Variants in ANKRD55 observed in about 807,000 individuals in gnomAD.
ANKRD55 encodes ankyrin repeat domain 55.
In ANKRD55, 41 loss-of-function variants were observed where a neutral mutation model predicts 60.6. That is an observed-to-expected ratio of 0.68 (90% confidence interval 0.53 to 0.88). ANKRD55 has a LOEUF of 0.88. Among genes scored for constraint, ANKRD55 ranks in the 40% least tolerant of loss-of-function variants. The pLI is 0.00. For missense variants in ANKRD55, 732 were observed against 767.6 expected (o/e 0.95, Z 0.55); for synonymous variants, 264 against 290.3 (o/e 0.91, Z 0.92).
chr5:56,142,157 A>G (rs1331764253), intron 7 of ANKRD55, among the ~76,000 whole-genome samples: 5 of 152,058 alleles, frequency 3.3e-5, no homozygotes, highest in Non-Finnish European at 7.4e-5. Flanking sequence ...GTGAAAACCC[A>G]TCTCTACTAA....
chr5:56,138,134 T>C (rs1174248375), intron 7 of ANKRD55, among the ~76,000 whole-genome samples: 8 of 149,714 alleles, frequency 5.3e-5, no homozygotes, highest in Non-Finnish European at 1.2e-4. Flanking sequence ...TTTCTTTTTT[T>C]TTTTTTTTTT....
chr5:56,127,589 C>T (rs748349255), intron 7 of ANKRD55: 58 of 984,820 alleles, frequency 5.9e-5, no homozygotes, highest in East Asian at 1.1e-4. Context: ...AAGCTTGTTT[C>T]GGGGTAGGGC....
At chr5:56,212,361 G>A (rs1373559882) in intron 2 of ANKRD55, among the ~76,000 whole-genome samples, 1 of 152,090 alleles carries the variant, frequency 6.6e-6, no homozygotes, top group South Asian at 2.1e-4. Context: ...GATAAAAAGT[G>A]CTTATCTATT....
intron 2 of ANKRD55, among the ~76,000 whole-genome samples, chr5:56,219,845 C>T (rs938795507): frequency 1.3e-5 from 2 of 152,210 alleles, no homozygotes; most frequent in African/African-American, 4.8e-5. Flanking sequence ...CAGCTACAAG[C>T]TTATTGTAGT....
chr5:56,200,703 T>C (rs1353526762), intron 2 of ANKRD55, among the ~76,000 whole-genome samples: 1 of 152,240 alleles, frequency 6.6e-6, no homozygotes, highest in Non-Finnish European at 1.5e-5. Context: ...ACATTTGTTC[T>C]GCCTAAGCTG....
At chr5:56,179,270 T>C (rs1231249964) in intron 3 of ANKRD55, among the ~76,000 whole-genome samples, 1 of 152,150 alleles carries the variant, frequency 6.6e-6, no homozygotes, top group African/African-American at 2.4e-5. Context: ...AGAAAGCCAA[T>C]TGCAAAGATA....
intron 2 of ANKRD55, among the ~76,000 whole-genome samples, chr5:56,189,135 G>A (rs1409521539): frequency 6.6e-6 from 1 of 152,018 alleles, no homozygotes; most frequent in East Asian, 1.9e-4. Flanking sequence ...CTACTCTGAA[G>A]ATTATTCCAG....
chr5:56,100,205 T>A lies in ANKRD55; in HGVS notation c.1823A>T (p.Asn608Ile). The change falls in exon 12 of 12, where the codon AAC becomes ATC. Residue 608 changes from asparagine to isoleucine, a missense_variant. Physicochemically the swap from Asn to Ile is moderately radical, Grantham distance 149 (BLOSUM62 -3). Around this residue, in one of 3 missense-constraint regions of ANKRD55, gnomAD observed 597 missense variants for 607.5 expected, o/e 0.98. Coordinates refer to ENST00000341048, the MANE Select transcript of ANKRD55 (RefSeq NM_024669.3). The stretch of plus-strand genomic sequence containing the variant: ...CAGTTAATTTTCATCACTGGTGGGG[T>A]TGGCAGAATGTTCACTCTCTTCTGC... Reference protein sequence around the residue: ...TAAEESEHSANPTSDEN With the variant: ...TAAEESEHSAIPTSDEN The A allele has an allele frequency of 6.2e-7, 1 of 1,614,126 alleles. No homozygotes were observed. The highest frequency in any genetic ancestry group is 8.5e-7 in the Non-Finnish European group (1 of 1,179,962).
At chr5:56,124,781 T>C (rs1193804462) in intron 8 of ANKRD55, among the ~76,000 whole-genome samples, 1 of 152,162 alleles carries the variant, frequency 6.6e-6, no homozygotes, top group Non-Finnish European at 1.5e-5. Context: ...GCTGGGATTA[T>C]AGATGTGAGC....
chr5:56,110,463 T>C (rs1002074450), intron 10 of ANKRD55: 1 of 153,028 alleles, frequency 6.5e-6, no homozygotes, highest in Non-Finnish European at 1.5e-5. Flanking sequence ...TATGTACATA[T>C]TTCATATCTA....
At chr5:56,122,705 T>C (rs1450100411) in intron 8 of ANKRD55, among the ~76,000 whole-genome samples, 1 of 151,714 alleles carries the variant, frequency 6.6e-6, no homozygotes, top group East Asian at 1.9e-4. Context: ...AGTACTGATG[T>C]CACAAAACTA....
At chr5:56,141,825 C>T (rs1001661475) in intron 7 of ANKRD55, among the ~76,000 whole-genome samples, 7 of 152,308 alleles carry the variant, frequency 4.6e-5, no homozygotes, top group African/African-American at 7.2e-5. Context: ...ATGACCATTT[C>T]GTCCAATTAC....
At chr5:56,218,992 G>A (rs1759893499) in intron 2 of ANKRD55, among the ~76,000 whole-genome samples, 1 of 151,882 alleles carries the variant, frequency 6.6e-6, no homozygotes, top group African/African-American at 2.4e-5. Flanking sequence ...AAAAATTTAG[G>A]CCAGGCACAG....
chr5:56,114,233 C>G, intron 9 of ANKRD55: 1 of 165,838 alleles, frequency 6.0e-6, no homozygotes. Context: ...GAGGCCGAGA[C>G]AGGAGAATCA....
At chr5:56,117,614 C>T (rs531587104) in intron 8 of ANKRD55, among the ~76,000 whole-genome samples, 29 of 152,050 alleles carry the variant, frequency 1.9e-4, no homozygotes, top group Non-Finnish European at 2.9e-4. Context: ...TTACCACACC[C>T]GGCTAATTTT....
intron 2 of ANKRD55, among the ~76,000 whole-genome samples, chr5:56,215,216 T>C (rs67977985): frequency 0.099 from 15,018 of 152,224 alleles, 1,331 homozygotes; most frequent in African/African-American, 0.24. Context: ...TAACAACCCA[T>C]CTTCAGAAGC....
intron 3 of ANKRD55, among the ~76,000 whole-genome samples, chr5:56,177,915 G>C (rs557832614): frequency 1.2e-3 from 178 of 152,234 alleles, no homozygotes; most frequent in African/African-American, 4.3e-3. Flanking sequence ...ACACCTTCCT[G>C]ACCCTCCATT....
chr5:56,120,554 T>A (rs1473705215), intron 8 of ANKRD55, among the ~76,000 whole-genome samples: 4 of 152,034 alleles, frequency 2.6e-5, no homozygotes, highest in Non-Finnish European at 4.4e-5. Context: ...TAACTAAACA[T>A]CTGAATGGAA....
chr5:56,219,286 A>C (rs1251217345), intron 2 of ANKRD55, among the ~76,000 whole-genome samples: 2 of 151,616 alleles, frequency 1.3e-5, no homozygotes, highest in Non-Finnish European at 2.9e-5. Context: ...AAAAAAAAAA[A>C]AAAAAAGAAA....
Sources: allele counts gnomAD v4.1 joint callset (sites outside exome capture counted in the v4.1 genomes callset), GRCh38; gene constraint gnomAD v4.1.1; regional missense constraint gnomAD v4.1.1; transcripts MANE v1.5; gene names NCBI Gene and HGNC (gene_info 2026-07-23, HGNC 2026-07-21).